Variants in ANO3 observed in about 807,000 individuals in gnomAD.
The protein encoded by ANO3 is anoctamin-3.
Under a neutral mutation model 144.8 loss-of-function variants are expected in ANO3, and 99 were observed. That is an observed-to-expected ratio of 0.68 (90% confidence interval 0.58 to 0.81). The LOEUF is 0.81. ANO3 is among the 30% of genes least tolerant of loss of function. ANO3 has a pLI of 0.00. For synonymous variants in ANO3, 414 were observed against 392.6 expected, an observed-to-expected ratio of 1.05 and a Z score of -0.64; for missense variants, 905 against 1,202.2, an observed-to-expected ratio of 0.75 and a Z score of 3.66.
At chr11:26,300,114 T>C (rs1364234015) in intron 1 of ANO3, among the ~76,000 whole-genome samples, 1 of 152,118 alleles carries the variant, frequency 6.6e-6, no homozygotes, top group Non-Finnish European at 1.5e-5. Context: ...GGAAGACCAG[T>C]CTGTATGCTG....
intron 3 of ANO3, among the ~76,000 whole-genome samples, chr11:26,448,287 G>A (rs541809012): frequency 3.2e-4 from 42 of 129,874 alleles, no homozygotes; most frequent in African/African-American, 1.1e-3. Context: ...CAACAAAAGC[G>A]TAACTCCGTC....
At chr11:26,319,093 C>T (rs1158391587) in intron 1 of ANO3, among the ~76,000 whole-genome samples, 1 of 152,060 alleles carries the variant, frequency 6.6e-6, no homozygotes, top group Non-Finnish European at 1.5e-5. Context: ...CCTCCCACCT[C>T]AGCCTCCAAC....
chr11:26,467,174 G>C (rs1235738957), intron 4 of ANO3, among the ~76,000 whole-genome samples: 1 of 151,900 alleles, frequency 6.6e-6, no homozygotes, highest in Admixed American at 6.6e-5. Context: ...TCTGGGTACA[G>C]AGTAAATGTA....
intron 17 of ANO3, among the ~76,000 whole-genome samples, chr11:26,622,172 A>G (rs962697142): frequency 2.0e-5 from 3 of 152,210 alleles, no homozygotes; most frequent in Non-Finnish European, 2.9e-5. Flanking sequence ...CAAATACCCC[A>G]GAAAGTCTTG....
At chr11:26,492,424 C>G (rs192077966) in intron 4 of ANO3, among the ~76,000 whole-genome samples, 2 of 152,290 alleles carry the variant, frequency 1.3e-5, no homozygotes, top group South Asian at 2.1e-4. Flanking sequence ...TACCTTTGGT[C>G]AGCTCCATCT....
At chr11:26,264,490 G>T (rs1419369006) in intron 1 of ANO3, among the ~76,000 whole-genome samples, 1 of 152,138 alleles carries the variant, frequency 6.6e-6, no homozygotes, top group Non-Finnish European at 1.5e-5. Flanking sequence ...GATGATGTGA[G>T]AATCTTTATT....
chr11:26,628,734 C>A (rs1031720244), intron 18 of ANO3, among the ~76,000 whole-genome samples: 2 of 152,244 alleles, frequency 1.3e-5, no homozygotes, highest in South Asian at 2.1e-4. Context: ...AATGATCCTG[C>A]AATTTAGATT....
At chr11:26,191,378 C>A (rs1179064082) in intron 1 of ANO3, among the ~76,000 whole-genome samples, 1 of 151,916 alleles carries the variant, frequency 6.6e-6, no homozygotes, top group African/African-American at 2.4e-5. Context: ...ATATTTGACT[C>A]ACTGACTGAC....
intron 1 of ANO3, among the ~76,000 whole-genome samples, chr11:26,326,241 T>C (rs1854879918): frequency 6.6e-6 from 1 of 152,126 alleles, no homozygotes; most frequent in Non-Finnish European, 1.5e-5. Flanking sequence ...GCACACTTTT[T>C]AAAAGTTTGA....
At chr11:26,428,614 A>G (rs1212322393) in intron 1 of ANO3, among the ~76,000 whole-genome samples, 1 of 152,176 alleles carries the variant, frequency 6.6e-6, no homozygotes, top group Non-Finnish European at 1.5e-5. Flanking sequence ...CTCAGAGGAT[A>G]TTGCAACCTT....
At chr11:26,576,542 G>A (rs1850991805) in intron 14 of ANO3, among the ~76,000 whole-genome samples, 1 of 152,142 alleles carries the variant, frequency 6.6e-6, no homozygotes, top group Admixed American at 6.5e-5. Flanking sequence ...AAAAATGAAT[G>A]AGTAAACTCT....
At chr11:26,268,797 T>C (rs1046922717) in intron 1 of ANO3, among the ~76,000 whole-genome samples, 2 of 152,152 alleles carry the variant, frequency 1.3e-5, no homozygotes, top group Admixed American at 1.3e-4. Context: ...CATAGTTTTC[T>C]TAATTGCCCC....
chr11:26,426,194 C>T (rs530235351), intron 1 of ANO3, among the ~76,000 whole-genome samples: 44 of 152,196 alleles, frequency 2.9e-4, no homozygotes, highest in African/African-American at 1.0e-3. Context: ...GTCACTTAAA[C>T]ATTATAACTA....
At chr11:26,330,659 G>T (rs965480169), upstream of ANO3, among the ~76,000 whole-genome samples, 1 of 152,084 alleles carries the variant, frequency 6.6e-6, no homozygotes. Context: ...TAGCCCACCT[G>T]CAAAATCCAT....
chr11:26,483,778 A>G (rs1281702420), intron 4 of ANO3, among the ~76,000 whole-genome samples: 1 of 152,184 alleles, frequency 6.6e-6, no homozygotes, highest in Admixed American at 6.5e-5. Context: ...CTTTGGGGTT[A>G]ATGGGCAGAG....
At chr11:26,310,547 A>C (rs1280862099) in intron 1 of ANO3, among the ~76,000 whole-genome samples, 1 of 152,174 alleles carries the variant, frequency 6.6e-6, no homozygotes, top group Non-Finnish European at 1.5e-5. Flanking sequence ...CCATAGCCTA[A>C]TGCTATTAAC....
At chr11:26,616,736 T>A (rs939347928) in intron 17 of ANO3, among the ~76,000 whole-genome samples, 1 of 152,080 alleles carries the variant, frequency 6.6e-6, no homozygotes, top group Admixed American at 6.6e-5. Context: ...AATGGGAGGT[T>A]TACCCTCAAA....
chr11:26,379,980 G>A (rs1318148500), intron 1 of ANO3, among the ~76,000 whole-genome samples: 2 of 152,148 alleles, frequency 1.3e-5, no homozygotes, highest in Non-Finnish European at 2.9e-5. Context: ...TCCTGTTTAT[G>A]TCCCAATCCA....
chr11:26,351,894 C>A (rs1253155053), intron 1 of ANO3, among the ~76,000 whole-genome samples: 3 of 152,112 alleles, frequency 2.0e-5, no homozygotes, highest in African/African-American at 2.4e-5. Flanking sequence ...ATTGAAAATG[C>A]AAAGACAGGT....
Sources: allele counts gnomAD v4.1 joint callset (sites outside exome capture counted in the v4.1 genomes callset), GRCh38; gene constraint gnomAD v4.1.1; transcripts MANE v1.5; gene names NCBI Gene and HGNC (gene_info 2026-07-23, HGNC 2026-07-21).